MC2R: variants seen among roughly 807,000 people sequenced by gnomAD.
MC2R encodes adrenocorticotropic hormone receptor.
A neutral mutation model predicts 9.8 loss-of-function variants in MC2R; 9 were observed. The observed-to-expected ratio is 0.92, with a 90% CI of 0.55 to 1.60. MC2R has a LOEUF of 1.60. Ranked by LOEUF, MC2R falls within the 40% of genes most tolerant of loss-of-function variation. The probability of loss-of-function intolerance (pLI) is 0.00; values close to 1 mark genes in which losing one functional copy is unlikely to be tolerated. For synonymous variants in MC2R, 185 were observed against 154.7 expected (o/e 1.20, Z -1.45); for missense variants, 370 against 389.0 (o/e 0.95, Z 0.41).
chr18:13,899,154 A>G (rs1350527193), intron 1 of MC2R, among the ~76,000 whole-genome samples: 1 of 152,244 alleles, frequency 6.6e-6, no homozygotes, highest in Non-Finnish European at 1.5e-5. Context: ...GATAAATTTA[A>G]TAAAGAGATT....
chr18:13,905,745 G>A (rs2045410145), intron 1 of MC2R, among the ~76,000 whole-genome samples: 1 of 152,096 alleles, frequency 6.6e-6, no homozygotes, highest in Non-Finnish European at 1.5e-5. Context: ...CCCATTACTG[G>A]GTATATACCC....
At chr18:13,910,964 A>G (rs1470119105) in intron 1 of MC2R, among the ~76,000 whole-genome samples, 1 of 152,146 alleles carries the variant, frequency 6.6e-6, no homozygotes, top group African/African-American at 2.4e-5. Context: ...TTCCTTTTTG[A>G]ATTCTTATCT....
At chr18:13,909,604 G>A (rs2045433168) in intron 1 of MC2R, among the ~76,000 whole-genome samples, 1 of 152,098 alleles carries the variant, frequency 6.6e-6, no homozygotes, top group African/African-American at 2.4e-5. Context: ...TGAATGCATG[G>A]ACAACTATTT....
chr18:13,908,831 A>G (rs75262575), intron 1 of MC2R, among the ~76,000 whole-genome samples: 4,003 of 152,080 alleles, frequency 0.026, 127 homozygotes, highest in African/African-American at 0.089. Flanking sequence ...TATTTTTTAA[A>G]TAAACGTTTT....
Position 13,883,422 on chromosome 18 carries a change from T to C in MC2R, c.*1203A>G, listed in dbSNP as rs2045245901. 6.6e-6 allele frequency: 1 copy of C among 152,240 alleles called. No individual in the cohort carries two copies. Among genetic ancestry groups the C allele is most frequent in the African/African-American group, 2.4e-5 (1 of 41,472 alleles). 9.4% of individuals were successfully genotyped at this position (152,240 alleles called of 1,614,324 possible). A position where few individuals can be genotyped will look rare whatever the true frequency, so the allele number is the denominator to read the frequency against. On this transcript the variant is annotated 3_prime_UTR_variant, in exon 2 of 2. Transcript: ENST00000327606. Reference sequence around the variant, plus strand: ...ATCTTGGCTGATGGGAGGATGACATTTCCCAGTGACTGGGTCTGCTTTCAC... The same window carrying C: ...ATCTTGGCTGATGGGAGGATGACATCTCCCAGTGACTGGGTCTGCTTTCAC...
At chr18:13,898,810 T>C (rs1319811503) in intron 1 of MC2R, among the ~76,000 whole-genome samples, 2 of 152,226 alleles carry the variant, frequency 1.3e-5, no homozygotes, top group Non-Finnish European at 2.9e-5. Context: ...ACCACAGTGT[T>C]ACTGGGCTTG....
intron 1 of MC2R, among the ~76,000 whole-genome samples, chr18:13,889,829 G>A (rs2045304527): frequency 6.6e-6 from 1 of 152,076 alleles, no homozygotes; most frequent in Admixed American, 6.5e-5. Context: ...TAATCCTCTT[G>A]TTGACAATAC....
At chr18:13,908,029 GTA>G (rs2045423355) in intron 1 of MC2R, among the ~76,000 whole-genome samples, 1 of 151,988 alleles carries the variant, frequency 6.6e-6, no homozygotes, top group African/African-American at 2.4e-5. Flanking sequence ...CCACTACTGG[GTA>G]TATATTGAAA....
At chr18:13,887,068 C>A (rs147612983) in intron 1 of MC2R, among the ~76,000 whole-genome samples, 314 of 152,374 alleles carry the variant, frequency 2.1e-3, no homozygotes, top group Admixed American at 3.5e-3. Flanking sequence ...ATCTCAGGAA[C>A]CACCTCAGTC....
intron 1 of MC2R, among the ~76,000 whole-genome samples, chr18:13,888,364 C>G (rs1050875917): frequency 6.6e-6 from 1 of 152,112 alleles, no homozygotes; most frequent in Non-Finnish European, 1.5e-5. Context: ...GTGTGTGGCC[C>G]CATTCTTGGT....
At chr18:13,899,213 G>T (rs2045364396) in intron 1 of MC2R, among the ~76,000 whole-genome samples, 1 of 152,120 alleles carries the variant, frequency 6.6e-6, no homozygotes, top group Non-Finnish European at 1.5e-5. Context: ...AAATGCAAGT[G>T]GCATACTGAT....
intron 1 of MC2R, among the ~76,000 whole-genome samples, chr18:13,901,044 G>A (rs2045376987): frequency 1.3e-5 from 2 of 152,036 alleles, no homozygotes; most frequent in Non-Finnish European, 2.9e-5. Flanking sequence ...ATAATGTCAA[G>A]TATCTTCTCT....
chr18:13,901,834 A>G (rs1169009528), intron 1 of MC2R, among the ~76,000 whole-genome samples: 1 of 152,110 alleles, frequency 6.6e-6, no homozygotes, highest in Non-Finnish European at 1.5e-5. Flanking sequence ...TCCTACTCAA[A>G]CTGTTTTGAA....
Position 13,915,000 on chromosome 18 carries a change from C to T in MC2R, c.-129+488G>A, listed in dbSNP as rs968767111. Among the ~76,000 whole-genome samples the T allele has an allele frequency of 2.3e-4, 35 of 152,344 alleles. 1 individual carries two copies. The highest frequency in any genetic ancestry group is 8.2e-4 in the African/African-American group (34 of 41,574). On this transcript the variant is annotated intron_variant, in intron 1 of 1. Transcript: ENST00000327606. Reference sequence around the variant, plus strand: ...GTGCGTGCATCTCCCAGAACTGTAACGTCACACGTGTGGATGGTGGAGTTG... The same window carrying T: ...GTGCGTGCATCTCCCAGAACTGTAATGTCACACGTGTGGATGGTGGAGTTG...
At chr18:13,913,457 A>C (rs971675345) in intron 1 of MC2R, among the ~76,000 whole-genome samples, 1 of 152,186 alleles carries the variant, frequency 6.6e-6, no homozygotes, top group Non-Finnish European at 1.5e-5. Context: ...TTCTCCCACC[A>C]AGTCAGGCTC....
chr18:13,902,613 C>T (rs58503687), intron 1 of MC2R, among the ~76,000 whole-genome samples: 3,835 of 152,116 alleles, frequency 0.025, 127 homozygotes, highest in African/African-American at 0.088. Flanking sequence ...CTTTAATAAA[C>T]GGTGCTCGTA....
intron 1 of MC2R, among the ~76,000 whole-genome samples, chr18:13,909,241 G>T (rs1238224422): frequency 6.6e-6 from 1 of 152,126 alleles, no homozygotes; most frequent in Non-Finnish European, 1.5e-5. Flanking sequence ...ATTAGACTGG[G>T]GTTATGGACC....
chr18:13,898,455 C>A (rs930450545), intron 1 of MC2R, among the ~76,000 whole-genome samples: 3 of 152,302 alleles, frequency 2.0e-5, no homozygotes, highest in East Asian at 3.9e-4. Context: ...AACTTCCTGC[C>A]CTGAAAGGAA....
Position 13,882,050 on chromosome 18 carries a change from T to G in MC2R, c.*2575A>C, listed in dbSNP as rs1189461286. 1 of 152,222 alleles carries G rather than the reference T, an allele frequency of 6.6e-6. No homozygotes were observed. Among genetic ancestry groups the G allele is most frequent in the East Asian group, 1.9e-4 (1 of 5,194 alleles). 9.4% of individuals were successfully genotyped at this position (152,222 alleles called of 1,614,324 possible). On this transcript the variant is annotated 3_prime_UTR_variant, in exon 2 of 2. Coordinates refer to ENST00000327606, the MANE Select transcript of MC2R (RefSeq NM_000529.2). ...ATGAGGAGAGGAAGAGGAAACATCC[T>G]TCCTTTTTTATTAGACAGGGCTCAG...
Sources: allele counts gnomAD v4.1 joint callset (sites outside exome capture counted in the v4.1 genomes callset), GRCh38; gene constraint gnomAD v4.1.1; transcripts MANE v1.5; gene names NCBI Gene and HGNC (gene_info 2026-07-23, HGNC 2026-07-21).